Variants in EFNA5 observed in about 807,000 individuals in gnomAD.
The protein encoded by EFNA5 is ephrin A5, also known as ephrin-A5.
A neutral mutation model predicts 22.9 loss-of-function variants in EFNA5; 5 were observed. That is an observed-to-expected ratio of 0.22 (90% confidence interval 0.11 to 0.46). EFNA5 has a LOEUF of 0.46. EFNA5 is among the 20% of genes least tolerant of loss of function. The pLI is 0.99. For synonymous variants in EFNA5, 113 were observed against 112.2 expected (o/e 1.01, Z -0.04); for missense variants, 237 against 293.3 (o/e 0.81, Z 1.40).
chr5:107,395,946 C>T lies in EFNA5; in HGVS notation c.419-8175G>A, dbSNP rs189586384. On this transcript the variant is annotated intron_variant, in intron 2 of 4. Transcript: ENST00000333274. The stretch of plus-strand genomic sequence containing the variant: ...TTCTTCTCCACAGGCTCCCTTTGCC[C>T]CTCTGTGTGATACCCTATGAGGGTG... Among the ~76,000 whole-genome samples, 526 of 152,300 alleles carry T rather than the reference C, an allele frequency of 3.5e-3. 3 individuals carry two copies. Among genetic ancestry groups the T allele is most frequent in the African/African-American group, 0.012 (501 of 41,548 alleles).
chr5:107,390,667 A>G (rs1371268142), intron 2 of EFNA5, among the ~76,000 whole-genome samples: 2 of 151,364 alleles, frequency 1.3e-5, no homozygotes, highest in East Asian at 3.9e-4. Flanking sequence ...TTAAAAGTAA[A>G]TATGTAAGTA....
At chr5:107,446,047 G>C (rs923171608) in intron 1 of EFNA5, among the ~76,000 whole-genome samples, 1 of 152,166 alleles carries the variant, frequency 6.6e-6, no homozygotes, top group African/African-American at 2.4e-5. Flanking sequence ...TCTGGGCTCT[G>C]CTGCTACTAA....
At chr5:107,630,982 C>T in intron 1 of EFNA5, among the ~76,000 whole-genome samples, 1 of 152,120 alleles carries the variant, frequency 6.6e-6, no homozygotes, top group Non-Finnish European at 1.5e-5. Context: ...GCTGAAAAGT[C>T]TTCAGGAGCA....
intron 1 of EFNA5, among the ~76,000 whole-genome samples, chr5:107,520,731 TGA>T (rs1747578810): frequency 1.3e-5 from 2 of 152,238 alleles, no homozygotes; most frequent in African/African-American, 4.8e-5. Context: ...CGAGGATGTG[TGA>T]GTGTTTCTGA....
chr5:107,589,008 C>T (rs1338022190), intron 1 of EFNA5, among the ~76,000 whole-genome samples: 3 of 152,166 alleles, frequency 2.0e-5, no homozygotes, highest in Non-Finnish European at 2.9e-5. Flanking sequence ...TCCAACATAT[C>T]CTGGAACTGC....
chr5:107,662,033 C>T (rs1750972955), intron 1 of EFNA5, among the ~76,000 whole-genome samples: 1 of 151,624 alleles, frequency 6.6e-6, no homozygotes, highest in Admixed American at 6.6e-5. Flanking sequence ...AAAATGGAAA[C>T]TCTGACAGCT....
Position 107,670,749 on chromosome 5 carries a change from C to A in EFNA5, c.-136G>T. 1 of 1,271,678 alleles carries A rather than the reference C, an allele frequency of 7.9e-7. No homozygotes were observed. The allele number at this position is 1,271,678 out of a possible 1,614,324, so 78.8% of individuals were successfully genotyped here. ...ATGAATAAATAAAAATGAAAGTGGG[C>A]GAGAAAGGAAAGAGGCGCCCACCAA... On this transcript the variant is annotated 5_prime_UTR_variant, in exon 1 of 5. Transcript: ENST00000333274.
At chr5:107,433,392 T>C (rs1749017094) in intron 1 of EFNA5, among the ~76,000 whole-genome samples, 1 of 152,190 alleles carries the variant, frequency 6.6e-6, no homozygotes, top group Non-Finnish European at 1.5e-5. Context: ...ATTATGTACT[T>C]TATGGTAGTT....
intron 1 of EFNA5, among the ~76,000 whole-genome samples, chr5:107,544,330 G>A (rs990386229): frequency 4.1e-4 from 63 of 152,256 alleles, no homozygotes; most frequent in African/African-American, 1.4e-3. Flanking sequence ...CTCTCAACGC[G>A]TAGTGCACAG....
chr5:107,523,089 T>C (rs1285068427), intron 1 of EFNA5, among the ~76,000 whole-genome samples: 4 of 152,218 alleles, frequency 2.6e-5, no homozygotes, highest in African/African-American at 9.7e-5. Context: ...GTACTGTTTT[T>C]TCGTTTGTTT....
chr5:107,431,041 TG>T (rs1489264071), intron 1 of EFNA5, among the ~76,000 whole-genome samples: 1 of 152,188 alleles, frequency 6.6e-6, no homozygotes, highest in Non-Finnish European at 1.5e-5. Flanking sequence ...CCCGAAGTGC[TG>T]GGATTACAGG....
At chr5:107,643,116 T>G (rs1289529711) in intron 1 of EFNA5, among the ~76,000 whole-genome samples, 1 of 152,074 alleles carries the variant, frequency 6.6e-6, no homozygotes, top group Non-Finnish European at 1.5e-5. Context: ...AACAGCACAT[T>G]TCTCTTCTAA....
chr5:107,464,748 C>A (rs1749928822), intron 1 of EFNA5, among the ~76,000 whole-genome samples: 1 of 152,122 alleles, frequency 6.6e-6, no homozygotes, highest in Non-Finnish European at 1.5e-5. Context: ...AAATAGCTAA[C>A]CCTCACTTAT....
chr5:107,435,902 T>A (rs191787194), intron 1 of EFNA5, among the ~76,000 whole-genome samples: 1 of 152,242 alleles, frequency 6.6e-6, no homozygotes, highest in African/African-American at 2.4e-5. Context: ...TTAAGTTCAG[T>A]AACTGTTGAT....
intron 1 of EFNA5, among the ~76,000 whole-genome samples, chr5:107,591,725 G>T (rs1749328383): frequency 6.9e-6 from 1 of 144,870 alleles, no homozygotes; most frequent in African/African-American, 2.6e-5. Flanking sequence ...GGAGGCTGAG[G>T]CAGGAGAATT....
chr5:107,576,515 A>G (rs1748931242), intron 1 of EFNA5, among the ~76,000 whole-genome samples: 1 of 152,204 alleles, frequency 6.6e-6, no homozygotes, highest in South Asian at 2.1e-4. Context: ...AAAATCCATC[A>G]TCAGGAACTA....
At chr5:107,410,184 C>T (rs1481706031) in intron 2 of EFNA5, among the ~76,000 whole-genome samples, 4 of 151,998 alleles carry the variant, frequency 2.6e-5, no homozygotes, top group Non-Finnish European at 5.9e-5. Context: ...CCCGCCACCA[C>T]ACCCGGCTAA....
In EFNA5 at chr5:107,381,138, A is replaced by T; in HGVS notation, c.*117T>A. The stretch of plus-strand genomic sequence containing the variant: ...TTCAGGCTGAAAGAAAGAAAACAAA[A>T]ATCTGACATCTGCCAAAACCCAATA... On this transcript the variant is annotated 3_prime_UTR_variant, in exon 5 of 5. Transcript: ENST00000333274. 7.2e-7 allele frequency: 1 copy of T among 1,398,348 alleles called. No individual in the cohort carries two copies. Among genetic ancestry groups the T allele is most frequent in the Non-Finnish European group, 9.5e-7 (1 of 1,047,654 alleles). 86.6% of individuals were successfully genotyped at this position (1,398,348 alleles called of 1,614,324 possible). A position where few individuals can be genotyped will look rare whatever the true frequency, so the allele number is the denominator to read the frequency against.
intron 1 of EFNA5, among the ~76,000 whole-genome samples, chr5:107,471,088 C>A (rs1018390063): frequency 6.6e-6 from 1 of 152,098 alleles, no homozygotes; most frequent in Non-Finnish European, 1.5e-5. Flanking sequence ...CTCCTTATCG[C>A]CTCCCAATTC....
Sources: gnomAD v4.1 joint callset for allele counts (sites outside exome capture counted in the v4.1 genomes callset) on GRCh38, gnomAD v4.1.1 for gene constraint, MANE v1.5 for transcripts, NCBI Gene and HGNC (gene_info 2026-07-23, HGNC 2026-07-21) for gene names.